The following SLC9A9 variants were observed in gnomAD, a reference collection of about 807,000 sequenced individuals.
SLC9A9 encodes sodium/hydrogen exchanger 9.
In SLC9A9, 62 loss-of-function variants were observed where a neutral mutation model predicts 77.8. The observed-to-expected ratio is 0.80, with a 90% CI of 0.65 to 0.98. The LOEUF (loss-of-function observed/expected upper bound fraction) is 0.98. SLC9A9 is among the 50% of genes least tolerant of loss of function. SLC9A9 has a pLI of 0.00. For synonymous variants in SLC9A9, 320 were observed against 283.5 expected (o/e 1.13, Z -1.29); for missense variants, 775 against 774.9 (o/e 1.00, Z 0.00).
chr3:143,283,884 A>C (rs984849235), intron 14 of SLC9A9, among the ~76,000 whole-genome samples: 3 of 152,226 alleles, frequency 2.0e-5, no homozygotes, highest in African/African-American at 7.2e-5. Flanking sequence ...AAAACCACTC[A>C]AGTTTTATTG....
chr3:143,781,355 C>A (rs2108847544), intron 4 of SLC9A9, among the ~76,000 whole-genome samples: 1 of 152,206 alleles, frequency 6.6e-6, no homozygotes, highest in Non-Finnish European at 1.5e-5. Flanking sequence ...AAATTTAAAT[C>A]TTTAAATGAG....
At chr3:143,437,179 C>T (rs939611316) in intron 12 of SLC9A9, among the ~76,000 whole-genome samples, 5 of 152,232 alleles carry the variant, frequency 3.3e-5, no homozygotes, top group Non-Finnish European at 5.9e-5. Context: ...GGGCTCCATA[C>T]ATTTTGAATG....
At chr3:143,716,372 C>CT (rs1279912376) in intron 4 of SLC9A9, among the ~76,000 whole-genome samples, 6 of 142,118 alleles carry the variant, frequency 4.2e-5, no homozygotes, top group East Asian at 2.0e-4. Context: ...CTGCACCTGG[C>CT]TTTTTTTTAT....
intron 4 of SLC9A9, among the ~76,000 whole-genome samples, chr3:143,703,235 G>A (rs1576669886): frequency 6.6e-6 from 1 of 152,072 alleles, no homozygotes; most frequent in Admixed American, 6.5e-5. Flanking sequence ...AATAGATATA[G>A]AACATTTCAT....
intron 9 of SLC9A9, among the ~76,000 whole-genome samples, chr3:143,521,317 G>A (rs1223289378): frequency 6.6e-6 from 1 of 152,074 alleles, no homozygotes; most frequent in Non-Finnish European, 1.5e-5. Flanking sequence ...TCACTCAAAG[G>A]GGCCTGAAGG....
intron 14 of SLC9A9, among the ~76,000 whole-genome samples, chr3:143,278,212 C>G (rs755087947): frequency 1.3e-5 from 2 of 152,200 alleles, no homozygotes; most frequent in Non-Finnish European, 2.9e-5. Flanking sequence ...GGTTCGGATT[C>G]TCAGAGCACT....
chr3:143,355,746 G>A (rs1340827476), intron 14 of SLC9A9, among the ~76,000 whole-genome samples: 1 of 152,222 alleles, frequency 6.6e-6, no homozygotes, highest in Non-Finnish European at 1.5e-5. Flanking sequence ...TGCCTGGCAT[G>A]TGGTAGACTT....
chr3:143,822,547 CT>C (rs2009193929), intron 2 of SLC9A9, among the ~76,000 whole-genome samples: 1 of 152,226 alleles, frequency 6.6e-6, no homozygotes, highest in Non-Finnish European at 1.5e-5. Context: ...GTCCCCTCCC[CT>C]CCTGTGCCCA....
At chr3:143,497,318 C>A (rs2035852335) in intron 9 of SLC9A9, among the ~76,000 whole-genome samples, 1 of 152,118 alleles carries the variant, frequency 6.6e-6, no homozygotes, top group Non-Finnish European at 1.5e-5. Context: ...TCTGAGGGCC[C>A]ACTTCATTCC....
intron 4 of SLC9A9, among the ~76,000 whole-genome samples, chr3:143,779,378 T>G (rs897286220): frequency 3.9e-5 from 6 of 152,174 alleles, no homozygotes; most frequent in Non-Finnish European, 1.5e-5. Context: ...GTTTTTTGTT[T>G]GTTTGTTTTT....
At chr3:143,304,500 T>C (rs2030689556) in intron 14 of SLC9A9, among the ~76,000 whole-genome samples, 1 of 152,220 alleles carries the variant, frequency 6.6e-6, no homozygotes, top group African/African-American at 2.4e-5. Flanking sequence ...TAAGAGGGGA[T>C]GTTATTGCCT....
At chr3:143,552,601 C>A (rs2036912689) in intron 8 of SLC9A9, 151 bp from the exon 9 acceptor site, 2 of 669,086 alleles carry the variant, frequency 3.0e-6, no homozygotes, top group Non-Finnish European at 5.3e-6. Flanking sequence ...GTAAATCTTG[C>A]ACTTGCTTTA....
intron 4 of SLC9A9, among the ~76,000 whole-genome samples, chr3:143,735,691 C>T (rs554754407): frequency 3.9e-5 from 6 of 152,330 alleles, no homozygotes; most frequent in African/African-American, 1.4e-4. Flanking sequence ...CTTTGAATGA[C>T]TAATTTGATT....
chr3:143,800,244 C>T (rs868804302), intron 2 of SLC9A9, among the ~76,000 whole-genome samples: 4 of 152,080 alleles, frequency 2.6e-5, no homozygotes, highest in Non-Finnish European at 2.9e-5. Flanking sequence ...CCCATTAAAA[C>T]CTAATCACCC....
At chr3:143,305,978 T>C (rs1707977392) in intron 14 of SLC9A9, among the ~76,000 whole-genome samples, 2 of 152,236 alleles carry the variant, frequency 1.3e-5, no homozygotes, top group Non-Finnish European at 2.9e-5. Flanking sequence ...CGGGATATTC[T>C]AATTGACAGT....
intron 9 of SLC9A9, among the ~76,000 whole-genome samples, chr3:143,538,427 A>C (rs1256318586): frequency 6.6e-6 from 1 of 152,232 alleles, no homozygotes; most frequent in African/African-American, 2.4e-5. Context: ...AAATGAATAC[A>C]GGCAGTGTCG....
chr3:143,507,760 C>A (rs1195238401), intron 9 of SLC9A9, among the ~76,000 whole-genome samples: 1 of 152,224 alleles, frequency 6.6e-6, no homozygotes, highest in Admixed American at 6.5e-5. Context: ...GCTGAAACAA[C>A]AAACACCCAT....
intron 14 of SLC9A9, among the ~76,000 whole-genome samples, chr3:143,290,962 G>T (rs2029927274): frequency 6.6e-6 from 1 of 152,140 alleles, no homozygotes; most frequent in Non-Finnish European, 1.5e-5. Context: ...TCTCTTCCCA[G>T]TGCCTAGCAA....
chr3:143,287,966 C>T (rs1938427278), intron 14 of SLC9A9, among the ~76,000 whole-genome samples: 1 of 151,980 alleles, frequency 6.6e-6, no homozygotes, highest in Non-Finnish European at 1.5e-5. Flanking sequence ...AAAAGTCTTC[C>T]TGGAAAAAAA....
Sources: gnomAD v4.1 joint callset for allele counts (sites outside exome capture counted in the v4.1 genomes callset) on GRCh38, gnomAD v4.1.1 for gene constraint, MANE v1.5 for transcripts, NCBI Gene and HGNC (gene_info 2026-07-23, HGNC 2026-07-21) for gene names.